The following ELK4 variants were observed in gnomAD, a reference collection of about 807,000 sequenced individuals.
The protein encoded by ELK4 is ETS domain-containing protein Elk-4.
ELK4 carries 16 observed loss-of-function variants against 29.6 expected under a neutral mutation model. The observed-to-expected ratio is 0.54, with a 90% CI of 0.37 to 0.82. The LOEUF (loss-of-function observed/expected upper bound fraction) is 0.82. ELK4 is among the 40% of genes least tolerant of loss of function. The pLI is 0.00. For synonymous variants in ELK4, 213 were observed against 191.1 expected (o/e 1.11, Z -0.95); for missense variants, 465 against 507.1 (o/e 0.92, Z 0.80).
rs1036143220 is a variant in ELK4, at chr1:205,613,307, A to G, written c.*3239T>C. The G allele has an allele frequency of 1.6e-5, 3 of 192,494 alleles. No individual in the cohort carries two copies. Among genetic ancestry groups the G allele is most frequent in the Non-Finnish European group, 3.3e-5 (3 of 92,192 alleles). 11.9% of individuals were successfully genotyped at this position (192,494 alleles called of 1,614,324 possible). On this transcript the variant is annotated 3_prime_UTR_variant, in exon 5 of 5. Transcript: ENST00000357992. ...TAACACACCAAGACTCCATCTCTAA[A>G]AAATTAAATTAAAGGATTACTGAAA...
intron 2 of ELK4, among the ~76,000 whole-genome samples, chr1:205,622,445 G>A (rs1370067480): frequency 1.3e-5 from 2 of 152,190 alleles, no homozygotes; most frequent in East Asian, 3.8e-4. Flanking sequence ...CTCATGGAGT[G>A]CAGTGGTGTG....
In ELK4 at chr1:205,615,523, G is replaced by A. The variant is rs1186420840; in HGVS notation, c.*1023C>T. Reference sequence around the variant, plus strand: ...AACCTCTAACAACCTTAAACATAAAGGAAAGGTGATAAATGTATAGTAGAA... The same window carrying A: ...AACCTCTAACAACCTTAAACATAAAAGAAAGGTGATAAATGTATAGTAGAA... On this transcript the variant is annotated 3_prime_UTR_variant, in exon 5 of 5. Transcript: ENST00000357992. 2 of 184,986 alleles carry A rather than the reference G, an allele frequency of 1.1e-5. No homozygotes were observed. The highest frequency in any genetic ancestry group is 2.0e-4 in the South Asian group (1 of 5,096). 11.5% of individuals were successfully genotyped at this position (184,986 alleles called of 1,614,324 possible).
Position 205,616,524 on chromosome 1 carries a change from T to C in ELK4, c.*22A>G. 1 of 1,600,970 alleles carries C rather than the reference T, an allele frequency of 6.2e-7. No homozygotes were observed. The highest frequency in any genetic ancestry group is 2.2e-5 in the East Asian group (1 of 44,702). On this transcript the variant is annotated 3_prime_UTR_variant, in exon 5 of 5. Coordinates refer to ENST00000357992, the MANE Select transcript of ELK4 (RefSeq NM_001973.4). ...TGTCTGTTTCTTCGTTCCTCGGTTCTCTCATTCCACAAGTGCATAGGTTAT... is the reference window on the plus strand; with the variant it reads ...TGTCTGTTTCTTCGTTCCTCGGTTCCCTCATTCCACAAGTGCATAGGTTAT...
chr1:205,624,016 T>A, intron 1 of ELK4, 125 bp from the exon 2 acceptor site: 1 of 826,192 alleles, frequency 1.2e-6, no homozygotes, highest in Non-Finnish European at 1.9e-6. Context: ...ATAAGGTAGA[T>A]ACTACTGCAT....
chr1:205,611,830 C>T lies in ELK4; in HGVS notation c.*4716G>A, dbSNP rs1365242279. The T allele has an allele frequency of 2.1e-5, 4 of 191,092 alleles. No individual in the cohort carries two copies. The highest frequency in any genetic ancestry group is 8.3e-5 in the East Asian group (1 of 12,054). 11.8% of individuals were successfully genotyped at this position (191,092 alleles called of 1,614,324 possible). A position where few individuals can be genotyped will look rare whatever the true frequency, so the allele number is the denominator to read the frequency against. On this transcript the variant is annotated 3_prime_UTR_variant, in exon 5 of 5. Coordinates refer to ENST00000357992, the MANE Select transcript of ELK4 (RefSeq NM_001973.4). Reference sequence around the variant, plus strand: ...TAAGCACGATTCTAGACTCCTGGCACGGGTAAATAAAACATATACAGTCAA... The same window carrying T: ...TAAGCACGATTCTAGACTCCTGGCATGGGTAAATAAAACATATACAGTCAA...
intron 3 of ELK4, 39 bp from the exon 4 acceptor site, chr1:205,619,112 A>C (rs201516685): frequency 9.6e-6 from 14 of 1,462,682 alleles, no homozygotes; most frequent in South Asian, 1.4e-5. Flanking sequence ...TGACTGACTT[A>C]CCAGGATGTT....
At chr1:205,623,314 T>C (rs1335279356) in intron 2 of ELK4, among the ~76,000 whole-genome samples, 1 of 121,884 alleles carries the variant, frequency 8.2e-6, no homozygotes, top group Non-Finnish European at 1.7e-5. Context: ...CAAGGAATCT[T>C]TTTTTTTTTT....
rs541169273 is a variant in ELK4, at chr1:205,616,337, T to C, written c.*209A>G. 2.2e-6 allele frequency: 1 copy of C among 449,522 alleles called. No homozygotes were observed. The highest frequency in any genetic ancestry group is 4.0e-6 in the Non-Finnish European group (1 of 248,290). 27.8% of individuals were successfully genotyped at this position (449,522 alleles called of 1,614,324 possible). On this transcript the variant is annotated 3_prime_UTR_variant, in exon 5 of 5. Transcript: ENST00000357992. ...GGAAAAGACAGAGGGAGGTGGAGTT[T>C]AGACTCCAATTAAGGCATTTTTATA...
At chr1:205,624,062 G>C (rs776946430) in intron 1 of ELK4, among the ~76,000 whole-genome samples, 171 bp from the exon 2 acceptor site, 2 of 152,128 alleles carry the variant, frequency 1.3e-5, no homozygotes, top group Non-Finnish European at 2.9e-5. Flanking sequence ...ATTCATAAGA[G>C]GGTTAAGGAA....
rs879492194 is a variant in ELK4 at position 205,607,959 on chromosome 1, A to G, written c.*8587T>C. Reference sequence around the variant, plus strand: ...TTCAGAAAATCATTTTGTTAAAAATATTTATTTAAAAAAATACAACTGCTG... The same window carrying G: ...TTCAGAAAATCATTTTGTTAAAAATGTTTATTTAAAAAAATACAACTGCTG... On this transcript the variant is annotated 3_prime_UTR_variant, in exon 5 of 5. Coordinates refer to ENST00000357992, the MANE Select transcript of ELK4 (RefSeq NM_001973.4). 5.8e-6 allele frequency: 1 copy of G among 172,404 alleles called. No homozygotes were observed. The highest frequency in any genetic ancestry group is 1.3e-5 in the Non-Finnish European group (1 of 79,548). 10.7% of individuals were successfully genotyped at this position (172,404 alleles called of 1,614,324 possible).
In ELK4 at chr1:205,615,390, CAAAAAAAAAAAAA is replaced by C. The variant is rs67904643; in HGVS notation, c.*1143_*1155del. The C allele has an allele frequency of 5.6e-5, 3 of 53,200 alleles. No individual in the cohort carries two copies. The highest frequency in any genetic ancestry group is 5.6e-4 in the East Asian group (1 of 1,778). The allele number at this position is 53,200 out of a possible 1,614,324, so 3.3% of individuals were successfully genotyped here. ...TGGGTGATAGAGCAAGACTCTGTCT[CAAAAAAAAAAAAA>C]AAAAAAAAAAAAGGAAATAAGCACA... On this transcript the variant is annotated 3_prime_UTR_variant, in exon 5 of 5. Coordinates refer to ENST00000357992, the MANE Select transcript of ELK4 (RefSeq NM_001973.4).
intron 1 of ELK4, among the ~76,000 whole-genome samples, chr1:205,629,296 A>G (rs1307889828): frequency 6.6e-6 from 1 of 152,170 alleles, no homozygotes; most frequent in Non-Finnish European, 1.5e-5. Context: ...GGAATATTTT[A>G]TTAATTCAAT....
chr1:205,615,619 A>C lies in ELK4; in HGVS notation c.*927T>G, dbSNP rs1670219917. On this transcript the variant is annotated 3_prime_UTR_variant, in exon 5 of 5. Transcript: ENST00000357992. Reference sequence around the variant, plus strand: ...ATCTTCTAATTGAGAAAACCACTACATGTTGTTTCAAGTTATCTGATCGAA... The same window carrying C: ...ATCTTCTAATTGAGAAAACCACTACCTGTTGTTTCAAGTTATCTGATCGAA... The C allele has an allele frequency of 5.0e-6, 1 of 199,848 alleles. No individual in the cohort carries two copies. The highest frequency in any genetic ancestry group is 1.0e-5 in the Non-Finnish European group (1 of 96,954). The allele number at this position is 199,848 out of a possible 1,614,324, so 12.4% of individuals were successfully genotyped here. A position where few individuals can be genotyped will look rare whatever the true frequency, so the allele number is the denominator to read the frequency against.
At chr1:205,622,240 G>T (rs1471509643) in intron 2 of ELK4, among the ~76,000 whole-genome samples, 3 of 152,012 alleles carry the variant, frequency 2.0e-5, no homozygotes, top group African/African-American at 7.2e-5. Flanking sequence ...AAAAGTGAAA[G>T]AAATTAAGAT....
At chr1:205,627,426 G>A (rs1670487281) in intron 1 of ELK4, among the ~76,000 whole-genome samples, 1 of 151,760 alleles carries the variant, frequency 6.6e-6, no homozygotes, top group Non-Finnish European at 1.5e-5. Context: ...GGAGAATGGC[G>A]TGAACCTGGG....
chr1:205,620,979 G>A lies in ELK4; in HGVS notation c.208-141C>T, dbSNP rs868543819. On this transcript the variant is annotated intron_variant, in intron 2 of 4. Transcript: ENST00000357992. ...TGGAAGGCCGAGGAGGGCGGATCAC[G>A]AGGTCAGGAGATTGAGACCAGCCTG... The A allele has an allele frequency of 1.9e-5, 18 of 942,118 alleles. 1 individual carries two copies. Among genetic ancestry groups the A allele is most frequent in the South Asian group, 1.8e-4 (10 of 55,106 alleles). 58.4% of individuals were successfully genotyped at this position (942,118 alleles called of 1,614,324 possible).
chr1:205,621,398 AAG>A (rs1670347822), intron 2 of ELK4, among the ~76,000 whole-genome samples: 1 of 152,180 alleles, frequency 6.6e-6, no homozygotes, highest in Admixed American at 6.5e-5. Flanking sequence ...ATAAAAACTG[AAG>A]GATTTTAATT....
At chr1:205,622,014 C>T (rs1266310728) in intron 2 of ELK4, among the ~76,000 whole-genome samples, 5 of 151,740 alleles carry the variant, frequency 3.3e-5, no homozygotes, top group East Asian at 2.0e-4. Context: ...GAGTTCAAGA[C>T]CAGCCTCCCG....
intron 1 of ELK4, among the ~76,000 whole-genome samples, chr1:205,627,111 G>A (rs1294477151): frequency 6.6e-6 from 1 of 152,150 alleles, no homozygotes; most frequent in East Asian, 1.9e-4. Context: ...TCCAGACACA[G>A]AAAATAGATT....
Sources: gnomAD v4.1 joint callset for allele counts (sites outside exome capture counted in the v4.1 genomes callset) on GRCh38, gnomAD v4.1.1 for gene constraint, MANE v1.5 for transcripts, NCBI Gene and HGNC (gene_info 2026-07-23, HGNC 2026-07-21) for gene names.